Variants in MSTO1 observed in about 807,000 individuals in gnomAD.
MSTO1 encodes misato mitochondrial distribution and morphology regulator 1.
A neutral mutation model predicts 55.7 loss-of-function variants in MSTO1; 24 were observed. The ratio of observed to expected loss-of-function variants is 0.43; its 90% CI spans 0.31 to 0.61. MSTO1 has a LOEUF of 0.61. MSTO1 is among the 20% of genes least tolerant of loss of function. The pLI, the probability that MSTO1 is intolerant of heterozygous loss-of-function variation, is 0.09. For missense variants in MSTO1, 363 were observed against 625.7 expected, an observed-to-expected ratio of 0.58 and a Z score of 4.48; for synonymous variants, 162 against 252.8, an observed-to-expected ratio of 0.64 and a Z score of 3.41.
the MSTO1 span, chr1:155,590,521 T>G: frequency 5.8e-6 from 4 of 689,888 alleles, no homozygotes; most frequent in East Asian, 1.0e-4. Flanking sequence ...AAACAAAAGA[T>G]ATGAACCCAT....
At chr1:155,606,533 C>A (rs1672939017), upstream of MSTO1, among the ~76,000 whole-genome samples, 2 of 151,260 alleles carry the variant, frequency 1.3e-5, no homozygotes, top group South Asian at 4.2e-4. Flanking sequence ...GAGCTGGGAC[C>A]ACAGGCGCGT....
chr1:155,578,523 T>C, the MSTO1 span, among the ~76,000 whole-genome samples: 3 of 141,524 alleles, frequency 2.1e-5, no homozygotes, highest in African/African-American at 7.9e-5. Flanking sequence ...TTTTTTTTTT[T>C]TTTTTGAGAC....
chr1:155,578,618 C>T, the MSTO1 span, among the ~76,000 whole-genome samples: 1 of 148,866 alleles, frequency 6.7e-6, no homozygotes, highest in Admixed American at 6.8e-5. Context: ...TCACGCCATT[C>T]TCCTGCCTCA....
chr1:155,612,581 G>C lies in MSTO1; in HGVS notation c.966+11G>C, dbSNP rs768735577. 6.2e-6 allele frequency: 10 copies of C among 1,605,392 alleles called. No individual in the cohort carries two copies. In the South Asian group the frequency reaches 1.0e-4, roughly 16 times the overall value. ...TACCTGCATTATGATGTAAGTCTCG[G>C]TGCTCTTGTTCTGACTGCGGCAGGC... On this transcript the variant is annotated intron_variant, in intron 9 of 13. Transcript: ENST00000245564.
chr1:155,564,418 T>G, the MSTO1 span, among the ~76,000 whole-genome samples: 1 of 151,876 alleles, frequency 6.6e-6, no homozygotes, highest in East Asian at 1.9e-4. Context: ...CGCTTGAACC[T>G]GGGAGGCGGA....
chr1:155,589,036 G>A, the MSTO1 span, among the ~76,000 whole-genome samples: 1 of 152,298 alleles, frequency 6.6e-6, no homozygotes, highest in East Asian at 1.9e-4. Context: ...GGTAGCTCAT[G>A]CCTGTAATCC....
At chr1:155,581,632 C>T in the MSTO1 span, among the ~76,000 whole-genome samples, 1 of 151,830 alleles carries the variant, frequency 6.6e-6, no homozygotes, top group East Asian at 1.9e-4. Flanking sequence ...GTACTCCTGA[C>T]CTCAAGTGAT....
the MSTO1 span, among the ~76,000 whole-genome samples, chr1:155,567,832 C>T: frequency 3.3e-5 from 5 of 151,152 alleles, no homozygotes; most frequent in African/African-American, 4.8e-5. Context: ...GCCAGAAGTT[C>T]GAGACCAGCC....
chr1:155,595,762 C>T, the MSTO1 span, among the ~76,000 whole-genome samples: 13 of 152,190 alleles, frequency 8.5e-5, no homozygotes, highest in Non-Finnish European at 1.6e-4. Flanking sequence ...CAGGCATGGA[C>T]CACCACACTT....
At chr1:155,574,276 G>A in the MSTO1 span, among the ~76,000 whole-genome samples, 1 of 152,020 alleles carries the variant, frequency 6.6e-6, no homozygotes, top group Non-Finnish European at 1.5e-5. Context: ...AAGGATTGAG[G>A]TGGAGATTAC....
intron 4 of MSTO1, 32 bp downstream of exon 4, chr1:155,611,323 G>T: frequency 1.2e-6 from 2 of 1,613,808 alleles, no homozygotes; most frequent in Non-Finnish European, 1.7e-6. Context: ...TTTTTAACCC[G>T]GTGCCACAAC....
At chr1:155,596,966 G>T in the MSTO1 span, among the ~76,000 whole-genome samples, 5 of 152,060 alleles carry the variant, frequency 3.3e-5, no homozygotes, top group Non-Finnish European at 7.4e-5. Context: ...AATTAGACAG[G>T]TGTGGTGGTG....
the MSTO1 span, among the ~76,000 whole-genome samples, chr1:155,573,789 G>A: frequency 4.9e-5 from 7 of 142,898 alleles, no homozygotes; most frequent in Admixed American, 7.6e-5. Context: ...AGTGAGCCGA[G>A]ATCACGCTAT....
Position 155,614,282 on chromosome 1 carries a change from G to A in MSTO1, c.*9G>A, listed in dbSNP as rs758136748. ...ACAGCCTCGTGGACTAAAGTTCCCA[G>A]TGTGGGAGAAAGGAGCTAGTTTGCA... On this transcript the variant is annotated 3_prime_UTR_variant, in exon 14 of 14. Coordinates refer to ENST00000245564, the MANE Select transcript of MSTO1 (RefSeq NM_018116.4). The A allele has an allele frequency of 2.1e-5, 13 of 627,980 alleles. No homozygotes were observed. The highest frequency in any genetic ancestry group is 3.6e-5 in the Non-Finnish European group (13 of 363,942). 38.9% of individuals were successfully genotyped at this position (627,980 alleles called of 1,614,324 possible).
At chr1:155,584,905 T>C in the MSTO1 span, among the ~76,000 whole-genome samples, 1 of 143,176 alleles carries the variant, frequency 7.0e-6, no homozygotes, top group African/African-American at 2.5e-5. Context: ...AGTGCCAGGT[T>C]TTTTTTTTTG....
chr1:155,589,826 AGG>A, the MSTO1 span, among the ~76,000 whole-genome samples: 1 of 151,754 alleles, frequency 6.6e-6, no homozygotes, highest in African/African-American at 2.4e-5. Flanking sequence ...ACCCACACTG[AGG>A]GTGGGTCTGC....
the MSTO1 span, among the ~76,000 whole-genome samples, chr1:155,576,409 T>C: frequency 1.3e-4 from 19 of 151,612 alleles, no homozygotes; most frequent in East Asian, 8.0e-4. Flanking sequence ...TCACTGCAAC[T>C]TCCGCCTCCC....
the MSTO1 span, chr1:155,601,988 T>A: frequency 4.9e-6 from 2 of 408,036 alleles, no homozygotes; most frequent in African/African-American, 4.3e-5. Flanking sequence ...TCTCCTGACC[T>A]CGTGATCCGC....
the MSTO1 span, among the ~76,000 whole-genome samples, chr1:155,579,286 C>G: frequency 6.6e-6 from 1 of 151,822 alleles, no homozygotes; most frequent in Non-Finnish European, 1.5e-5. Context: ...GCACTCTGGC[C>G]TGGGCAACAA....
Sources: allele counts gnomAD v4.1 joint callset (sites outside exome capture counted in the v4.1 genomes callset), GRCh38; gene constraint gnomAD v4.1.1; transcripts MANE v1.5; gene names NCBI Gene and HGNC (gene_info 2026-07-23, HGNC 2026-07-21).